SPMIP2: variants seen among roughly 807,000 people sequenced by gnomAD.
SPMIP2 encodes the protein sperm microtubule inner protein 2, also known as protein SPMIP2.
chr4:158,921,795 A>G, the SPMIP2 span, among the ~76,000 whole-genome samples: 1 of 152,114 alleles, frequency 6.6e-6, no homozygotes, highest in Admixed American at 6.5e-5. Context: ...TAGGGGTGAC[A>G]GTGTTCCTGA....
At chr4:158,904,410 T>A in the SPMIP2 span, 1 of 1,407,440 alleles carries the variant, frequency 7.1e-7, no homozygotes, top group Non-Finnish European at 1.0e-6. Flanking sequence ...AAATAATACT[T>A]TCTCATAAAA....
At chr4:159,000,952 G>A in the SPMIP2 span, among the ~76,000 whole-genome samples, 1 of 152,170 alleles carries the variant, frequency 6.6e-6, no homozygotes, top group African/African-American at 2.4e-5. Context: ...GCTGTATAAA[G>A]CTGCTATGAA....
the SPMIP2 span, among the ~76,000 whole-genome samples, chr4:159,065,944 C>T: frequency 1.3e-5 from 2 of 152,184 alleles, no homozygotes; most frequent in Non-Finnish European, 2.9e-5. Flanking sequence ...CAGAATGAGA[C>T]ATGTCTGATA....
At chr4:158,930,019 TCTTTC>T in the SPMIP2 span, among the ~76,000 whole-genome samples, 1 of 152,208 alleles carries the variant, frequency 6.6e-6, no homozygotes, top group Non-Finnish European at 1.5e-5. Context: ...TCTTACTTTC[TCTTTC>T]ATTTTCGAGG....
At chr4:158,932,361 G>A in the SPMIP2 span, among the ~76,000 whole-genome samples, 1 of 152,078 alleles carries the variant, frequency 6.6e-6, no homozygotes, top group African/African-American at 2.4e-5. Flanking sequence ...AGCTACTTAG[G>A]GATCAGCTGA....
chr4:159,030,777 G>A, the SPMIP2 span, among the ~76,000 whole-genome samples: 2 of 152,112 alleles, frequency 1.3e-5, no homozygotes, highest in Non-Finnish European at 2.9e-5. Context: ...ATCACAGGGT[G>A]TGAGCCACCA....
At chr4:158,960,209 G>A in the SPMIP2 span, 1 of 894,744 alleles carries the variant, frequency 1.1e-6, no homozygotes, top group Non-Finnish European at 1.7e-6. Context: ...ATACTTAAAA[G>A]TTTACAAAAA....
At chr4:159,023,160 G>C in the SPMIP2 span, among the ~76,000 whole-genome samples, 1 of 152,092 alleles carries the variant, frequency 6.6e-6, no homozygotes, top group Non-Finnish European at 1.5e-5. Flanking sequence ...TATTTTTTCT[G>C]GGTGTGTCTG....
chr4:158,962,407 G>A, the SPMIP2 span, among the ~76,000 whole-genome samples: 1 of 152,056 alleles, frequency 6.6e-6, no homozygotes, highest in African/African-American at 2.4e-5. Flanking sequence ...CTATAACTAT[G>A]AGTCTTTCTC....
At chr4:158,922,659 A>G in the SPMIP2 span, among the ~76,000 whole-genome samples, 1 of 152,322 alleles carries the variant, frequency 6.6e-6, no homozygotes, top group Admixed American at 6.5e-5. Flanking sequence ...GGGTTTTATT[A>G]TATTCAAAAG....
At chr4:159,041,908 T>C in the SPMIP2 span, among the ~76,000 whole-genome samples, 9 of 152,278 alleles carry the variant, frequency 5.9e-5, no homozygotes, top group Non-Finnish European at 1.3e-4. Flanking sequence ...TACAGTTTAG[T>C]GTCAAAGTTT....
chr4:159,048,181 G>A, the SPMIP2 span, among the ~76,000 whole-genome samples: 9 of 152,132 alleles, frequency 5.9e-5, no homozygotes, highest in African/African-American at 1.9e-4. Context: ...GAACAGACCT[G>A]GCCTCTGTTT....
the SPMIP2 span, among the ~76,000 whole-genome samples, chr4:158,921,439 C>CTG: frequency 6.6e-6 from 1 of 151,694 alleles, no homozygotes; most frequent in Admixed American, 6.6e-5. Context: ...GAGATTCCAT[C>CTG]TCAAAATTTA....
chr4:159,056,057 C>T, the SPMIP2 span, among the ~76,000 whole-genome samples: 2 of 152,160 alleles, frequency 1.3e-5, no homozygotes, highest in Non-Finnish European at 2.9e-5. Context: ...GTTCCAACAC[C>T]TCCCCCTCCT....
At chr4:158,977,595 C>T in the SPMIP2 span, among the ~76,000 whole-genome samples, 1 of 103,734 alleles carries the variant, frequency 9.6e-6, no homozygotes, top group African/African-American at 3.2e-5. Flanking sequence ...CTATCTCCTT[C>T]AGTTCTTTTT....
At chr4:158,943,371 A>G in the SPMIP2 span, among the ~76,000 whole-genome samples, 3 of 152,158 alleles carry the variant, frequency 2.0e-5, no homozygotes, top group East Asian at 5.8e-4. Context: ...GAACAATTGG[A>G]TAACCTTGCT....
At chr4:158,970,071 G>T in the SPMIP2 span, among the ~76,000 whole-genome samples, 1 of 152,298 alleles carries the variant, frequency 6.6e-6, no homozygotes, top group Admixed American at 6.5e-5. Context: ...GGCGGCCCTG[G>T]GTTAATGCCA....
the SPMIP2 span, among the ~76,000 whole-genome samples, chr4:159,011,628 C>T: frequency 8.6e-5 from 13 of 151,940 alleles, no homozygotes; most frequent in Non-Finnish European, 1.9e-4. Context: ...GTGGCACATG[C>T]CTGTTATCCC....
chr4:159,011,045 G>A, the SPMIP2 span, among the ~76,000 whole-genome samples: 1 of 151,986 alleles, frequency 6.6e-6, no homozygotes, highest in African/African-American at 2.4e-5. Context: ...GGAAACTGTT[G>A]AACAAAACAG....
Sources: gnomAD v4.1 joint callset for allele counts (sites outside exome capture counted in the v4.1 genomes callset) on GRCh38, gnomAD v4.1.1 for gene constraint, MANE v1.5 for transcripts, NCBI Gene and HGNC (gene_info 2026-07-23, HGNC 2026-07-21) for gene names.